PVT1: variants seen among roughly 807,000 people sequenced by gnomAD.
The protein encoded by PVT1 is Pvt1 oncogene.
intron 3 of PVT1, among the ~76,000 whole-genome samples, chr8:127,927,002 C>G (rs906307423): frequency 2.0e-5 from 3 of 152,184 alleles, no homozygotes; most frequent in Non-Finnish European, 4.4e-5. Flanking sequence ...ACATCCTTTT[C>G]TGTGCCGACA....
At chr8:128,006,399 C>G (rs2130027488) in intron 4 of PVT1, among the ~76,000 whole-genome samples, 1 of 152,208 alleles carries the variant, frequency 6.6e-6, no homozygotes, top group South Asian at 2.1e-4. Context: ...TCAGGAGGCA[C>G]CTGGTGTTGG....
At chr8:128,080,072 C>T (rs572526019) in intron 5 of PVT1, among the ~76,000 whole-genome samples, 5 of 152,246 alleles carry the variant, frequency 3.3e-5, no homozygotes, top group South Asian at 2.1e-4. Flanking sequence ...ACACCTCATT[C>T]GTTTTTAGTG....
chr8:127,810,010 A>G (rs1163016950), intron 2 of PVT1, among the ~76,000 whole-genome samples: 3 of 152,192 alleles, frequency 2.0e-5, no homozygotes, highest in Admixed American at 6.5e-5. Flanking sequence ...TGGGCTTCCT[A>G]TGGTCATTGC....
chr8:128,032,622 T>C (rs565341122), intron 4 of PVT1, among the ~76,000 whole-genome samples: 2 of 152,356 alleles, frequency 1.3e-5, no homozygotes, highest in East Asian at 3.9e-4. Flanking sequence ...GCTTTCAATA[T>C]TAAGCATTTA....
chr8:128,003,126 C>T (rs1208861872), intron 4 of PVT1, among the ~76,000 whole-genome samples: 7 of 149,494 alleles, frequency 4.7e-5, no homozygotes, highest in African/African-American at 7.4e-5. Flanking sequence ...CTAAGCCTCC[C>T]GAGTAGCTGG....
intron 3 of PVT1, among the ~76,000 whole-genome samples, chr8:127,904,087 A>G (rs1815791570): frequency 6.6e-6 from 1 of 152,086 alleles, no homozygotes; most frequent in Admixed American, 6.5e-5. Flanking sequence ...TATTTGTGTC[A>G]TGTCTGATTT....
At chr8:127,823,147 T>C (rs571075872) in intron 2 of PVT1, among the ~76,000 whole-genome samples, 5 of 152,326 alleles carry the variant, frequency 3.3e-5, no homozygotes, top group Admixed American at 1.3e-4. Flanking sequence ...CTGTAATCCC[T>C]TCCCAGTTTA....
intron 4 of PVT1, among the ~76,000 whole-genome samples, chr8:128,055,467 A>C (rs1373054760): frequency 6.6e-6 from 1 of 152,232 alleles, no homozygotes; most frequent in Admixed American, 6.5e-5. Flanking sequence ...AATGTAATGC[A>C]CTTAATACAC....
At chr8:127,983,452 C>T (rs1430962256) in intron 3 of PVT1, among the ~76,000 whole-genome samples, 2 of 152,052 alleles carry the variant, frequency 1.3e-5, no homozygotes, top group Non-Finnish European at 2.9e-5. Flanking sequence ...GTGATTCTCG[C>T]CCTCTTGTTC....
At chr8:127,825,941 C>G (rs1257063790) in intron 2 of PVT1, among the ~76,000 whole-genome samples, 1 of 150,784 alleles carries the variant, frequency 6.6e-6, no homozygotes, top group South Asian at 2.1e-4. Context: ...GCCTCAAATT[C>G]CTGGGCTCAA....
intron 3 of PVT1, among the ~76,000 whole-genome samples, chr8:127,965,643 G>A (rs1328133332): frequency 6.6e-6 from 1 of 152,196 alleles, no homozygotes; most frequent in Non-Finnish European, 1.5e-5. Context: ...TCAGTTGCAG[G>A]CACTTCAGAT....
intron 3 of PVT1, among the ~76,000 whole-genome samples, chr8:127,918,118 C>T (rs564169704): frequency 2.8e-4 from 43 of 152,360 alleles, no homozygotes; most frequent in Admixed American, 1.8e-3. Context: ...CTCTCAAAGC[C>T]CTGCTCATCT....
At chr8:127,984,903 T>TTCTTTCTTTCTTTCTTTCTCTTTC (rs1489714021) in intron 3 of PVT1, among the ~76,000 whole-genome samples, 2 of 88,458 alleles carry the variant, frequency 2.3e-5, no homozygotes, top group Non-Finnish European at 5.1e-5. Flanking sequence ...CTTTCTTTCT[T>TTCTTTCTTTCTTTCTTTCTCTTTC]TCTTTCTTTC....
At chr8:127,889,369 A>G (rs182473457) in intron 2 of PVT1, among the ~76,000 whole-genome samples, 190 of 151,544 alleles carry the variant, frequency 1.3e-3, no homozygotes, top group Non-Finnish European at 2.1e-3. Flanking sequence ...GCCTCAAGGG[A>G]TCCACCAGCC....
In PVT1 at chr8:127,919,540, C is replaced by T. The variant is rs549165047; in HGVS notation, n.782+28542C>T. 6.6e-5 allele frequency among the ~76,000 whole-genome samples: 10 copies of T among 152,288 alleles called. No individual in the cohort carries two copies. The East Asian group carries it at 1.9e-3, about 29-fold the overall frequency. ...CATCCAGTCTGAGTGGGGTCTGCCC[C>T]CTCCCCTGAGCAGTCACCATCCTGC... On this transcript the variant is annotated intron_variant and non_coding_transcript_variant, in intron 3 of 10. Transcript: ENST00000651587.
intron 2 of PVT1, among the ~76,000 whole-genome samples, chr8:127,873,928 A>G (rs777722899): frequency 1.3e-5 from 2 of 152,244 alleles, no homozygotes; most frequent in African/African-American, 2.4e-5. Context: ...TAGTGGATGA[A>G]TACCCAGTGT....
At chr8:128,011,449 T>C (rs868844703) in intron 4 of PVT1, among the ~76,000 whole-genome samples, 3 of 152,176 alleles carry the variant, frequency 2.0e-5, no homozygotes, top group East Asian at 3.8e-4. Flanking sequence ...GAGAGCTTAC[T>C]GTCTCTCTTC....
chr8:127,919,218 A>C (rs150775941), intron 3 of PVT1, among the ~76,000 whole-genome samples: 20 of 152,292 alleles, frequency 1.3e-4, no homozygotes, highest in South Asian at 8.3e-4. Flanking sequence ...TTTAAGTAGT[A>C]TTTGGGCTGT....
rs570328342 is a variant in PVT1 at position 127,849,611 on chromosome 8, G to A, written n.373-40978G>A. Among the ~76,000 whole-genome samples, 16 of 152,194 alleles carry A rather than the reference G, an allele frequency of 1.1e-4. No individual in the cohort carries two copies. In the South Asian group the frequency reaches 3.1e-3, roughly 30 times the overall value. On this transcript the variant is annotated intron_variant and non_coding_transcript_variant, in intron 2 of 10. Transcript: ENST00000651587. ...GAAAATAAGAAAAGAGAAAGACTGC[G>A]TGCATGTGCATGGGTGCACAGCCTG...
Sources: allele counts gnomAD v4.1 joint callset (sites outside exome capture counted in the v4.1 genomes callset), GRCh38; gene constraint gnomAD v4.1.1; transcripts MANE v1.5; gene names NCBI Gene and HGNC (gene_info 2026-07-23, HGNC 2026-07-21).